Variants in KCNIP4 observed in about 807,000 individuals in gnomAD.
KCNIP4 encodes the protein Kv channel-interacting protein 4.
A neutral mutation model predicts 34.0 loss-of-function variants in KCNIP4; 12 were observed. That is an observed-to-expected ratio of 0.35 (90% CI 0.23 to 0.57). The LOEUF (loss-of-function observed/expected upper bound fraction) is 0.57. KCNIP4 is among the 20% of genes least tolerant of loss of function. KCNIP4 has a pLI of 0.83. For missense variants in KCNIP4, 238 were observed against 311.7 expected (o/e 0.76, Z 1.78); for synonymous variants, 124 against 102.2 (o/e 1.21, Z -1.29).
intron 1 of KCNIP4, among the ~76,000 whole-genome samples, chr4:20,964,520 G>A (rs78789656): frequency 4.3e-4 from 65 of 151,928 alleles, no homozygotes; most frequent in South Asian, 3.7e-3. Flanking sequence ...CGTCTTTTTT[G>A]GGGGGGAGGT....
At chr4:21,868,202 T>C (rs2109361395) in intron 1 of KCNIP4, among the ~76,000 whole-genome samples, 1 of 152,236 alleles carries the variant, frequency 6.6e-6, no homozygotes, top group East Asian at 1.9e-4. Context: ...TGACCACCAT[T>C]GACAAAATAG....
At chr4:20,935,884 CCAT>C (rs1399979140) in intron 1 of KCNIP4, among the ~76,000 whole-genome samples, 1 of 151,456 alleles carries the variant, frequency 6.6e-6, no homozygotes, top group Non-Finnish European at 1.5e-5. Flanking sequence ...GTTTCAGCTG[CCAT>C]CATCATCACT....
intron 1 of KCNIP4, among the ~76,000 whole-genome samples, chr4:21,272,466 T>C (rs1318789885): frequency 6.6e-6 from 1 of 152,190 alleles, no homozygotes; most frequent in Non-Finnish European, 1.5e-5. Context: ...ATAGAGTTAT[T>C]ATTATCCCCA....
At chr4:20,815,054 G>A (rs1198799442) in intron 3 of KCNIP4, among the ~76,000 whole-genome samples, 1 of 152,090 alleles carries the variant, frequency 6.6e-6, no homozygotes, top group Non-Finnish European at 1.5e-5. Context: ...AAGCTTTAAT[G>A]AATGGTAGTT....
chr4:21,120,985 A>T (rs546890904), intron 1 of KCNIP4, among the ~76,000 whole-genome samples: 1 of 152,378 alleles, frequency 6.6e-6, no homozygotes, highest in South Asian at 2.1e-4. Context: ...TTGCTGAAGA[A>T]TTCTGTAGAA....
intron 1 of KCNIP4, among the ~76,000 whole-genome samples, chr4:21,211,368 A>G (rs2059485): frequency 0.44 from 67,484 of 151,942 alleles, 17,321 homozygotes; most frequent in African/African-American, 0.72. Context: ...ATGCACAGCA[A>G]GAGGTGAGTG....
intron 1 of KCNIP4, among the ~76,000 whole-genome samples, chr4:21,399,422 A>C (rs1723279973): frequency 6.6e-6 from 1 of 152,236 alleles, no homozygotes; most frequent in Non-Finnish European, 1.5e-5. Flanking sequence ...TTAGAGTAGA[A>C]GCCAGAGCTG....
chr4:20,802,134 CTATATATGCTA>C lies in KCNIP4; in HGVS notation c.289-43255_289-43245del, dbSNP rs1207231793. 3.3e-4 allele frequency among the ~76,000 whole-genome samples: 46 copies of C among 137,460 alleles called. 1 individual carries two copies. The highest frequency in any genetic ancestry group is 7.3e-4 in the Admixed American group (10 of 13,670). 90.2% of individuals were successfully genotyped at this position (137,460 alleles called of 152,430 possible). A position where few individuals can be genotyped will look rare whatever the true frequency, so the allele number is the denominator to read the frequency against. ...ATGCTATATATATGCTATATATATGCTATATATGCTATATATATGCTATATATATGCTATAT... is the reference window on the plus strand; with the variant it reads ...ATGCTATATATATGCTATATATATGCTATATATGCTATATATATGCTATAT... On this transcript the variant is annotated intron_variant, in intron 3 of 8. Transcript: ENST00000382152.
Position 21,173,551 on chromosome 4 carries a change from T to C in KCNIP4, c.62-290842A>G, listed in dbSNP as rs73805040. 4.0e-3 allele frequency among the ~76,000 whole-genome samples: 602 copies of C among 152,236 alleles called. 4 individuals are homozygous for C. Among genetic ancestry groups the C allele is most frequent in the African/African-American group, 0.013 (540 of 41,544 alleles). On this transcript the variant is annotated intron_variant, in intron 1 of 8. Coordinates refer to ENST00000382152, the MANE Select transcript of KCNIP4 (RefSeq NM_025221.6). ...TTTGGACAGCTCCCTAGAATCCTCATCTCAAGGCTGTAAGAAAAATCTTAG... is the reference window on the plus strand; with the variant it reads ...TTTGGACAGCTCCCTAGAATCCTCACCTCAAGGCTGTAAGAAAAATCTTAG...
intron 1 of KCNIP4, among the ~76,000 whole-genome samples, chr4:21,657,210 T>C (rs1226483815): frequency 6.6e-6 from 1 of 152,222 alleles, no homozygotes. Context: ...GCTTTTTAAT[T>C]CTTTTATCAG....
intron 1 of KCNIP4, among the ~76,000 whole-genome samples, chr4:21,872,520 C>T (rs1217797712): frequency 6.6e-6 from 1 of 152,014 alleles, no homozygotes; most frequent in African/African-American, 2.4e-5. Context: ...GAATCGTGAC[C>T]CAAAGGCTAG....
intron 1 of KCNIP4, among the ~76,000 whole-genome samples, chr4:20,946,666 C>G (rs1185846871): frequency 6.6e-6 from 1 of 152,166 alleles, no homozygotes; most frequent in Non-Finnish European, 1.5e-5. Flanking sequence ...ATCTTTTCCT[C>G]CCTTCAGGTT....
chr4:20,912,242 C>A (rs1185427837), intron 1 of KCNIP4, among the ~76,000 whole-genome samples: 1 of 151,918 alleles, frequency 6.6e-6, no homozygotes, highest in Non-Finnish European at 1.5e-5. Flanking sequence ...AAGGAAGAAG[C>A]AAAATTATCT....
chr4:21,649,070 C>T (rs1359328299), intron 1 of KCNIP4, among the ~76,000 whole-genome samples: 1 of 152,118 alleles, frequency 6.6e-6, no homozygotes, highest in East Asian at 1.9e-4. Context: ...CATTCCCTGA[C>T]ATTATAGCTT....
chr4:21,352,416 C>T (rs1718100221), intron 1 of KCNIP4, among the ~76,000 whole-genome samples: 5 of 152,222 alleles, frequency 3.3e-5, no homozygotes, highest in African/African-American at 1.2e-4. Context: ...ATGGGACACT[C>T]TCACCCAAAT....
intron 1 of KCNIP4, among the ~76,000 whole-genome samples, chr4:21,060,015 T>C (rs1186368661): frequency 3.3e-5 from 5 of 152,160 alleles, no homozygotes; most frequent in Non-Finnish European, 5.9e-5. Context: ...AATTCTGTCT[T>C]ATGGGAACAA....
intron 1 of KCNIP4, among the ~76,000 whole-genome samples, chr4:21,802,089 T>C (rs1721036893): frequency 6.6e-6 from 1 of 151,810 alleles, no homozygotes; most frequent in African/African-American, 2.4e-5. Context: ...ATTATTCTAA[T>C]TTTTCTTAAC....
chr4:21,335,550 G>C (rs1419210488), intron 1 of KCNIP4, among the ~76,000 whole-genome samples: 1 of 152,122 alleles, frequency 6.6e-6, no homozygotes, highest in Non-Finnish European at 1.5e-5. Context: ...GTATTTATCT[G>C]TCCACATTTT....
chr4:21,523,830 C>A (rs1269297848), intron 1 of KCNIP4, among the ~76,000 whole-genome samples: 1 of 152,100 alleles, frequency 6.6e-6, no homozygotes, highest in Non-Finnish European at 1.5e-5. Flanking sequence ...ACCTCAGCCT[C>A]CCAAAGTGCT....
Sources: allele counts gnomAD v4.1 joint callset (sites outside exome capture counted in the v4.1 genomes callset), GRCh38; gene constraint gnomAD v4.1.1; transcripts MANE v1.5; gene names NCBI Gene and HGNC (gene_info 2026-07-23, HGNC 2026-07-21).